SPINDOC: variants seen among roughly 807,000 people sequenced by gnomAD.
The protein encoded by SPINDOC is spindlin interactor and repressor of chromatin binding.
Under a neutral mutation model 30.7 loss-of-function variants are expected in SPINDOC, and 13 were observed. The ratio of observed to expected loss-of-function variants is 0.42; its 90% confidence interval spans 0.28 to 0.67. SPINDOC has a LOEUF of 0.67. Among genes scored for constraint, SPINDOC ranks in the 30% least tolerant of loss-of-function variants. The pLI is 0.22. For missense variants in SPINDOC, 438 were observed against 518.0 expected (o/e 0.85, Z 1.50); for synonymous variants, 228 against 211.4 (o/e 1.08, Z -0.68).
chr11:63,819,348 T>G (rs1262771935), intron 5 of SPINDOC, among the ~76,000 whole-genome samples: 2 of 152,130 alleles, frequency 1.3e-5, no homozygotes, highest in Admixed American at 1.3e-4. Context: ...GTAGCTGGGA[T>G]TACAGGCGTG....
At chr11:63,817,501 G>A (rs1346147093) in intron 1 of SPINDOC, among the ~76,000 whole-genome samples, 3 of 152,134 alleles carry the variant, frequency 2.0e-5, no homozygotes, top group African/African-American at 7.2e-5. Context: ...GGGTGGTCTG[G>A]ACAGATGTGC....
intron 1 of SPINDOC, 97 bp from the exon 2 acceptor site, chr11:63,817,708 C>T: frequency 8.8e-7 from 1 of 1,132,164 alleles, no homozygotes; most frequent in Non-Finnish European, 1.2e-6. Context: ...ATGCTCTCCT[C>T]CCCCATCCCA....
At chr11:63,825,344 C>G (rs993507224) in intron 5 of SPINDOC, among the ~76,000 whole-genome samples, 1 of 152,192 alleles carries the variant, frequency 6.6e-6, no homozygotes. Context: ...CCTCCCTCTG[C>G]TCAAAATGCT....
rs778323707 is a variant in SPINDOC at position 63,818,193 on chromosome 11, C to A, written c.458-23C>A. Reference sequence around the variant, plus strand: ...CGGACTTGTTGGGGCACTAGAAGCTCATTGTGCTCTTGCTCCCTGCAGACT... The same window carrying A: ...CGGACTTGTTGGGGCACTAGAAGCTAATTGTGCTCTTGCTCCCTGCAGACT... On this transcript the variant is annotated intron_variant, in intron 2 of 5. Transcript: ENST00000294244. The surrounding 1 kb of genome is among the most constrained non-coding windows in gnomAD (Gnocchi z 5.3). 1.4e-5 allele frequency: 22 copies of A among 1,613,820 alleles called. No homozygotes were observed. The South Asian group carries it at 2.3e-4, about 17-fold the overall frequency.
intron 5 of SPINDOC, among the ~76,000 whole-genome samples, chr11:63,819,786 C>T (rs752073621): frequency 3.9e-5 from 6 of 152,324 alleles, no homozygotes; most frequent in Non-Finnish European, 8.8e-5. Flanking sequence ...CGTGAGCCAC[C>T]GCACCTGACC....
In SPINDOC at chr11:63,818,260, G is replaced by A. The variant is rs759066744; in HGVS notation, c.502G>A (p.Ala168Thr). 51 of 1,613,844 alleles carry A rather than the reference G, an allele frequency of 3.2e-5. No homozygotes were observed. The highest frequency in any genetic ancestry group is 8.3e-5 in the Admixed American group (5 of 59,980). The change falls in exon 3 of 6, where the codon GCT becomes ACT. Residue 168 changes from alanine (A) to threonine (T), a missense_variant. By Grantham distance (58) the Ala-to-Thr change is moderately conservative. This residue lies in a region of SPINDOC where 300 missense variants were observed against 332.8 expected (regional missense o/e 0.90). Coordinates refer to ENST00000294244, the MANE Select transcript of SPINDOC (RefSeq NM_138471.3). The surrounding 1 kb of genome is among the most constrained non-coding windows in gnomAD (Gnocchi z 5.3). ...CCCAGACCCAGACGCCAACCCAGAC[G>A]CTGCCAGAATGCCAGCCGAAATCGT... ...AHPDPDANPD[A>T]ARMPAEIVVL...
chr11:63,818,117 C>T lies in SPINDOC; in HGVS notation c.440C>T (p.Pro147Leu), dbSNP rs927487963. 2.5e-6 allele frequency: 4 copies of T among 1,613,846 alleles called. No individual in the cohort carries two copies. Among genetic ancestry groups the T allele is most frequent in the Admixed American group, 1.7e-5 (1 of 59,996 alleles). Residue 147 changes from proline (P) to leucine (L), a missense_variant, in exon 2 of 6, where the codon CCG (proline) becomes CTG (leucine). Physicochemically the swap from Pro to Leu is moderately conservative, Grantham distance 98 (BLOSUM62 -3). This residue lies in a region of SPINDOC where 300 missense variants were observed against 332.8 expected (regional missense o/e 0.90). Coordinates refer to ENST00000294244, the MANE Select transcript of SPINDOC (RefSeq NM_138471.3). The surrounding 1 kb of genome is among the most constrained non-coding windows in gnomAD (Gnocchi z 5.3). ...TTGCAAGACGTGAGAGCTGAGCAGCCGTCCCCACCCAACTCAGGTAGTTGG... is the reference window on the plus strand; with the variant it reads ...TTGCAAGACGTGAGAGCTGAGCAGCTGTCCCCACCCAACTCAGGTAGTTGG... ...ALLQDVRAEQ[P>L]SPPNSDSGQD... is the part of the protein sequence containing the mutation.
Position 63,813,652 on chromosome 11 carries a change from G to A in SPINDOC, c.-35G>A. 1 of 1,505,684 alleles carries A rather than the reference G, an allele frequency of 6.6e-7. No homozygotes were observed. Among genetic ancestry groups the A allele is most frequent in the Non-Finnish European group, 8.9e-7 (1 of 1,128,052 alleles). The allele number at this position is 1,505,684 out of a possible 1,614,324, so 93.3% of individuals were successfully genotyped here. A position where few individuals can be genotyped will look rare whatever the true frequency, so the allele number is the denominator to read the frequency against. On this transcript the variant is annotated 5_prime_UTR_variant, in exon 1 of 6. Coordinates refer to ENST00000294244, the MANE Select transcript of SPINDOC (RefSeq NM_138471.3). ...GCTGCGCGCCGAAGCCTGCGCGCCAGTCCTCCGGCCACTGCTATCGCCCAC... is the reference window on the plus strand; with the variant it reads ...GCTGCGCGCCGAAGCCTGCGCGCCAATCCTCCGGCCACTGCTATCGCCCAC...
At chr11:63,815,046 A>G (rs1411505477) in intron 1 of SPINDOC, among the ~76,000 whole-genome samples, 1 of 152,228 alleles carries the variant, frequency 6.6e-6, no homozygotes, top group African/African-American at 2.4e-5. Context: ...TGAAGAACAT[A>G]TATATACCAA....
At chr11:63,819,468 C>T (rs373242330) in intron 5 of SPINDOC, among the ~76,000 whole-genome samples, 1 of 151,512 alleles carries the variant, frequency 6.6e-6, no homozygotes, top group Admixed American at 6.6e-5. Context: ...GCCTTGGCCT[C>T]GCAAAGTACA....
intron 5 of SPINDOC, among the ~76,000 whole-genome samples, chr11:63,825,436 C>G (rs1417569311): frequency 1.3e-5 from 2 of 152,180 alleles, no homozygotes; most frequent in African/African-American, 2.4e-5. Flanking sequence ...TCCTATTATC[C>G]TATCTCCTTT....
rs529050332 is a variant in SPINDOC, at chr11:63,825,108, CAG to C, written c.935-1817_935-1816del. 9.1e-4 allele frequency among the ~76,000 whole-genome samples: 138 copies of C among 152,332 alleles called. 1 individual carries two copies. Among genetic ancestry groups the C allele is most frequent in the African/African-American group, 3.1e-3 (130 of 41,572 alleles). On this transcript the variant is annotated intron_variant, in intron 5 of 5. Coordinates refer to ENST00000294244, the MANE Select transcript of SPINDOC (RefSeq NM_138471.3). ...CTATGCTCTGCTCTCCTGTAGCAGC[CAG>C]AGTGTCCCTGCTGAGAACACAAGTC...
In SPINDOC at chr11:63,818,165, A is replaced by G. The variant is rs764722243; in HGVS notation, c.457+31A>G. 2.5e-6 allele frequency: 4 copies of G among 1,613,266 alleles called. 1 individual carries two copies. Among genetic ancestry groups the G allele is most frequent in the Admixed American group, 1.7e-5 (1 of 60,002 alleles). On this transcript the variant is annotated intron_variant, in intron 2 of 5. Coordinates refer to ENST00000294244, the MANE Select transcript of SPINDOC (RefSeq NM_138471.3). This position sits in a 1 kb window ranked among gnomAD's most constrained non-coding sequence, Gnocchi z 5.3. ...TGGTCCTGGGGCTGGCGAAGGGAGA[A>G]GTCGGACTTGTTGGGGCACTAGAAG... is the stretch of plus-strand genomic sequence containing the variant.
intron 5 of SPINDOC, among the ~76,000 whole-genome samples, chr11:63,823,635 G>T (rs1349354284): frequency 2.0e-5 from 3 of 151,978 alleles, no homozygotes; most frequent in Non-Finnish European, 4.4e-5. Context: ...TCGCTCTGTC[G>T]CCCAGGCTGG....
intron 5 of SPINDOC, among the ~76,000 whole-genome samples, chr11:63,825,209 C>T (rs1236352107): frequency 2.0e-5 from 3 of 152,198 alleles, no homozygotes; most frequent in African/African-American, 4.8e-5. Flanking sequence ...CCAGAGCCTT[C>T]ATGGTGACTA....
chr11:63,821,018 C>T (rs1353956925), intron 5 of SPINDOC, among the ~76,000 whole-genome samples: 1 of 152,108 alleles, frequency 6.6e-6, no homozygotes, highest in Non-Finnish European at 1.5e-5. Flanking sequence ...CACCACTGCA[C>T]TCCAGCCTGG....
intron 5 of SPINDOC, 152 bp downstream of exon 5, chr11:63,819,154 CG>C: frequency 1.5e-6 from 1 of 676,120 alleles, no homozygotes; most frequent in Non-Finnish European, 2.5e-6. Context: ...TACACGGGGC[CG>C]GGGCAGGGGA....
intron 5 of SPINDOC, 70 bp from the exon 6 acceptor site, chr11:63,826,858 T>C: frequency 1.3e-6 from 1 of 780,620 alleles, no homozygotes; most frequent in Non-Finnish European, 2.2e-6. Context: ...TTTGCGGAGC[T>C]TCCAGGGGGC....
At chr11:63,823,061 C>T (rs2015570598) in intron 5 of SPINDOC, 6 of 1,131,406 alleles carry the variant, frequency 5.3e-6, no homozygotes, top group Non-Finnish European at 7.1e-6. Flanking sequence ...GTTCCTGGAG[C>T]CTGTGCCCGA....
Sources: allele counts gnomAD v4.1 joint callset (sites outside exome capture counted in the v4.1 genomes callset), GRCh38; gene constraint gnomAD v4.1.1; regional missense constraint gnomAD v4.1.1; non-coding constraint Gnocchi (gnomAD v3.1); transcripts MANE v1.5; gene names NCBI Gene and HGNC (gene_info 2026-07-23, HGNC 2026-07-21).